SEMA6D: variants seen among roughly 807,000 people sequenced by gnomAD.
SEMA6D encodes the protein semaphorin 6D.
SEMA6D carries 35 observed loss-of-function variants against 106.6 expected under a neutral mutation model. The observed-to-expected ratio is 0.33, with a 90% CI of 0.25 to 0.44. SEMA6D has a LOEUF of 0.44. Ranked by LOEUF, SEMA6D falls within the 20% of genes least tolerant of loss-of-function variation. The pLI, the probability that SEMA6D is intolerant of heterozygous loss-of-function variation, is 1.00. For missense variants in SEMA6D, 1,185 were observed against 1,345.9 expected (o/e 0.88, Z 1.87); for synonymous variants, 499 against 487.7 (o/e 1.02, Z -0.31).
intron 1 of SEMA6D, among the ~76,000 whole-genome samples, chr15:47,291,737 T>C (rs1301098161): frequency 6.6e-6 from 1 of 152,240 alleles, no homozygotes; most frequent in Non-Finnish European, 1.5e-5. Context: ...ATCTTCAACA[T>C]TATTACAGAA....
chr15:47,600,619 GCTTTTC>G (rs2076631960), intron 3 of SEMA6D, among the ~76,000 whole-genome samples: 1 of 152,168 alleles, frequency 6.6e-6, no homozygotes, highest in Admixed American at 6.5e-5. Flanking sequence ...ACTGGTGGAT[GCTTTTC>G]CTCAGCTGAA....
At chr15:47,587,643 T>C (rs7174589) in intron 3 of SEMA6D, among the ~76,000 whole-genome samples, 4,894 of 152,286 alleles carry the variant, frequency 0.032, 265 homozygotes, top group African/African-American at 0.11. Flanking sequence ...ATACATTCTT[T>C]ATCACAGCTA....
At chr15:47,763,158 C>T in intron 9 of SEMA6D, 54 bp downstream of exon 9, 2 of 1,368,682 alleles carry the variant, frequency 1.5e-6, no homozygotes, top group Non-Finnish European at 2.1e-6. Context: ...GAAATTGAGA[C>T]CACTGTGATA....
intron 4 of SEMA6D, among the ~76,000 whole-genome samples, chr15:47,702,183 T>C (rs2078825658): frequency 6.6e-6 from 1 of 152,158 alleles, no homozygotes; most frequent in South Asian, 2.1e-4. Flanking sequence ...CTCTTCCCCA[T>C]TCCTTGCCCC....
chr15:47,267,178 A>T (rs1041540562), intron 1 of SEMA6D, among the ~76,000 whole-genome samples: 1 of 152,170 alleles, frequency 6.6e-6, no homozygotes, highest in Non-Finnish European at 1.5e-5. Flanking sequence ...GAATATCTAC[A>T]TAGTACTTTT....
At chr15:47,595,980 A>G (rs1439177840) in intron 3 of SEMA6D, among the ~76,000 whole-genome samples, 3 of 152,108 alleles carry the variant, frequency 2.0e-5, no homozygotes, top group Non-Finnish European at 2.9e-5. Flanking sequence ...AAAGGCATCT[A>G]AGTAAGAAAG....
In SEMA6D at chr15:47,771,573, C is replaced by T; in HGVS notation, c.3010C>T (p.Pro1004Ser). The change falls in exon 19 of 19, where the codon CCC becomes TCC. Residue 1004 changes from proline to serine, a missense_variant. Coordinates refer to ENST00000536845, the MANE Select transcript of SEMA6D (RefSeq NM_001358351.3). ...SMNRGGYMPT[P>S]TGAKVDYIQG... ...GAACCGTGGAGGATATATGCCCACC[C>T]CCACTGGGGCGAAGGTGGACTATAT... 1 of 1,614,074 alleles carries T rather than the reference C, an allele frequency of 6.2e-7. No individual in the cohort carries two copies. The highest frequency in any genetic ancestry group is 8.5e-7 in the Non-Finnish European group (1 of 1,179,960).
At chr15:47,766,947 T>A in intron 16 of SEMA6D, 90 bp from the exon 17 acceptor site, 1 of 734,662 alleles carries the variant, frequency 1.4e-6, no homozygotes, top group Middle Eastern at 3.9e-4. Context: ...AGTCTTTTTT[T>A]TTTTTACTTT....
At chr15:47,369,580 G>A (rs1254120287) in intron 1 of SEMA6D, among the ~76,000 whole-genome samples, 2 of 152,124 alleles carry the variant, frequency 1.3e-5, no homozygotes, top group African/African-American at 4.8e-5. Context: ...ATACCGATTA[G>A]GATGAAATGT....
At chr15:47,413,150 A>G (rs1422078241) in intron 2 of SEMA6D, among the ~76,000 whole-genome samples, 1 of 152,222 alleles carries the variant, frequency 6.6e-6, no homozygotes, top group Non-Finnish European at 1.5e-5. Context: ...ATGTGTGGAC[A>G]AACACACATA....
chr15:47,260,982 T>C (rs1424742221), intron 1 of SEMA6D, among the ~76,000 whole-genome samples: 4 of 152,132 alleles, frequency 2.6e-5, no homozygotes, highest in Non-Finnish European at 5.9e-5. Context: ...TGCTTTGCCG[T>C]TCCTTTATTT....
At chr15:47,457,917 C>T (rs2042392976) in intron 2 of SEMA6D, among the ~76,000 whole-genome samples, 1 of 151,584 alleles carries the variant, frequency 6.6e-6, no homozygotes, top group South Asian at 2.1e-4. Context: ...AAAAAAGTCG[C>T]AATGAATACA....
At chr15:47,390,867 G>A (rs181494120) in intron 1 of SEMA6D, among the ~76,000 whole-genome samples, 87 of 152,112 alleles carry the variant, frequency 5.7e-4, no homozygotes, top group African/African-American at 2.0e-3. Context: ...CATATCGTTT[G>A]CAATTTTGGC....
rs560937549 is a variant in SEMA6D, at chr15:47,765,039, A to G, written c.1410A>G (p.Glu470=). ...ACAGCGTATTACTGGAAGAGATTGA[A>G]GCCTACAACCATGCAAAGTAGGTAT... is the stretch of plus-strand genomic sequence containing the variant. ...LNDSVLLEEI[E]AYNHAKCSAE... The change falls in exon 13 of 19, where the codon GAA becomes GAG. Residue 470 remains glutamate, a synonymous_variant. Coordinates refer to ENST00000536845, the MANE Select transcript of SEMA6D (RefSeq NM_001358351.3). The G allele has an allele frequency of 6.2e-7, 1 of 1,613,846 alleles. No homozygotes were observed. The highest frequency in any genetic ancestry group is 1.3e-5 in the African/African-American group (1 of 75,042).
intron 3 of SEMA6D, among the ~76,000 whole-genome samples, chr15:47,564,525 T>C (rs181142170): frequency 6.6e-6 from 1 of 152,232 alleles, no homozygotes; most frequent in Non-Finnish European, 1.5e-5. Context: ...TTACTTGAAC[T>C]GATATAAGAC....
chr15:47,597,892 T>C (rs2076568960), intron 3 of SEMA6D, among the ~76,000 whole-genome samples: 1 of 150,112 alleles, frequency 6.7e-6, no homozygotes, highest in African/African-American at 2.4e-5. Context: ...ATAACATCAC[T>C]GTGTACCCCC....
At chr15:47,485,267 T>C (rs1298195207) in intron 3 of SEMA6D, among the ~76,000 whole-genome samples, 1 of 152,112 alleles carries the variant, frequency 6.6e-6, no homozygotes, top group Non-Finnish European at 1.5e-5. Context: ...ATTAAAGTAA[T>C]GGTCACATTG....
intron 2 of SEMA6D, among the ~76,000 whole-genome samples, chr15:47,425,711 C>A (rs774745964): frequency 5.4e-5 from 8 of 148,956 alleles, no homozygotes; most frequent in Non-Finnish European, 1.2e-4. Flanking sequence ...CACTCTGTTA[C>A]CCGGGCTGGA....
At chr15:47,394,954 T>G (rs995364500) in intron 1 of SEMA6D, among the ~76,000 whole-genome samples, 2 of 152,054 alleles carry the variant, frequency 1.3e-5, no homozygotes, top group Non-Finnish European at 2.9e-5. Context: ...TGTCATTTTA[T>G]ACCAAAGCAA....
Sources: gnomAD v4.1 joint callset for allele counts (sites outside exome capture counted in the v4.1 genomes callset) on GRCh38, gnomAD v4.1.1 for gene constraint, MANE v1.5 for transcripts, NCBI Gene and HGNC (gene_info 2026-07-23, HGNC 2026-07-21) for gene names.